TAF9: variants seen among roughly 807,000 people sequenced by gnomAD.
The protein encoded by TAF9 is transcription initiation factor TFIID subunit 9.
Under a neutral mutation model 16.5 loss-of-function variants are expected in TAF9, and 10 were observed. The ratio of observed to expected loss-of-function variants is 0.61; its 90% CI spans 0.37 to 1.03. The LOEUF is 1.03. TAF9 is among the 50% of genes least tolerant of loss of function. TAF9 has a pLI of 0.01. For synonymous variants in TAF9, 105 were observed against 120.5 expected (o/e 0.87, Z 0.84); for missense variants, 288 against 319.1 (o/e 0.90, Z 0.74).
chr5:69,369,357 C>T, intron 1 of TAF9, 106 bp downstream of exon 1: 2 of 1,306,218 alleles, frequency 1.5e-6, no homozygotes, highest in Non-Finnish European at 2.1e-6. Context: ...CCTCGGCCGG[C>T]CTCTGAAGAG....
intron 2 of TAF9, 146 bp downstream of exon 2, chr5:69,366,357 T>G: frequency 3.1e-6 from 2 of 637,476 alleles, no homozygotes; most frequent in Non-Finnish European, 5.4e-6. Flanking sequence ...AGACACTTAA[T>G]ATTTCTGTGG....
chr5:69,365,712 G>A lies in TAF9; in HGVS notation c.26C>T (p.Pro9Leu), dbSNP rs573124907. 2 of 1,565,998 alleles carry A rather than the reference G, an allele frequency of 1.3e-6. No individual in the cohort carries two copies. The highest frequency in any genetic ancestry group is 2.7e-5 in the African/African-American group (2 of 73,428). MESGKTAS[P>L]KSMPKDAQMM... ...CTGTGCATCTTTCGGCATGCTCTTGGGAGAAGCCGTCTTGCCAGACTCCAT... is the reference window on the plus strand; with the variant it reads ...CTGTGCATCTTTCGGCATGCTCTTGAGAGAAGCCGTCTTGCCAGACTCCAT... The change falls in exon 3 of 3, where the codon CCC (proline) becomes CTC (leucine). Residue 9 changes from proline to leucine, a missense_variant. By Grantham distance (98) the Pro-to-Leu change is moderately conservative (BLOSUM62 -3). Coordinates refer to ENST00000217893, the MANE Select transcript of TAF9 (RefSeq NM_003187.5).
At position 69,365,077 on chromosome 5, in the gene TAF9, A is replaced by C; in HGVS notation, c.661T>G (p.Ser221Ala). ...TTAGTGGTAATAAGAATGTTTTTGG[A>C]CCCGATTAATGATGGATTAATCAGA... Reference protein sequence around the residue: ...NVLINPSLIGSKNILITTNMM... With the variant: ...NVLINPSLIGAKNILITTNMM... The change falls in exon 3 of 3, where the codon TCC (serine) becomes GCC (alanine). Residue 221 changes from serine (S) to alanine (A), a missense_variant. Ser to Ala is a moderately conservative substitution (Grantham distance 99). Coordinates refer to ENST00000217893, the MANE Select transcript of TAF9 (RefSeq NM_003187.5). 6.2e-7 allele frequency: 1 copy of C among 1,614,202 alleles called. No homozygotes were observed. The highest frequency in any genetic ancestry group is 8.5e-7 in the Non-Finnish European group (1 of 1,180,030).
chr5:69,366,371 C>T (rs980797712), intron 2 of TAF9, 132 bp downstream of exon 2: 69 of 685,062 alleles, frequency 1.0e-4, no homozygotes, highest in Non-Finnish European at 1.6e-4. Context: ...TCTGTGGATT[C>T]CCTAACAGAG....
chr5:69,369,444 C>G lies in TAF9; in HGVS notation c.-111+19G>C. On this transcript the variant is annotated intron_variant, in intron 1 of 2. Coordinates refer to ENST00000217893, the MANE Select transcript of TAF9 (RefSeq NM_003187.5). ...CCCAGCCTGCCCCAGCCCAGTCCCT[C>G]CCGGCCGCGCGCCCTGACCGGTGAG... is the stretch of plus-strand genomic sequence containing the variant. 1 of 1,609,692 alleles carries G rather than the reference C, an allele frequency of 6.2e-7. No individual in the cohort carries two copies. The highest frequency in any genetic ancestry group is 8.5e-7 in the Non-Finnish European group (1 of 1,178,864).
intron 1 of TAF9, chr5:69,367,966 A>G (rs1401242474): frequency 6.6e-6 from 1 of 152,216 alleles, no homozygotes; most frequent in Non-Finnish European, 1.5e-5. Flanking sequence ...GGAGTTCGAG[A>G]CCAGCCTGGC....
rs763898444 is a variant in TAF9, at chr5:69,364,957, A to AGTC, written c.778_780dup (p.Asp260dup). 5 of 1,611,020 alleles carry AGTC rather than the reference A, an allele frequency of 3.1e-6. No individual in the cohort carries two copies. In the South Asian group the frequency reaches 4.4e-5, roughly 14 times the overall value. On this transcript the variant is annotated inframe_insertion, in exon 3 of 3. Coordinates refer to ENST00000217893, the MANE Select transcript of TAF9 (RefSeq NM_003187.5). Reference sequence around the variant, plus strand: ...GCAAGGCTAGATTACAGATTATCATAGTCATCATCATCATCATCGTCATCA... The same window carrying AGTC: ...GCAAGGCTAGATTACAGATTATCATAGTCGTCATCATCATCATCATCGTCATCA...
chr5:69,365,044 ACAT>A lies in TAF9; in HGVS notation c.691_693del (p.Met231del). 1 of 1,614,068 alleles carries A rather than the reference ACAT, an allele frequency of 6.2e-7. No homozygotes were observed. The highest frequency in any genetic ancestry group is 8.5e-7 in the Non-Finnish European group (1 of 1,179,914). On this transcript the variant is annotated inframe_deletion, in exon 3 of 3. Coordinates refer to ENST00000217893, the MANE Select transcript of TAF9 (RefSeq NM_003187.5). ...GATTCATTGGCAGTATTTTGTGATGACATCATATTAGTGGTAATAAGAATGTTT... is the reference window on the plus strand; with the variant it reads ...GATTCATTGGCAGTATTTTGTGATGACATATTAGTGGTAATAAGAATGTTT...
chr5:69,365,896 A>C (rs1762401690), intron 2 of TAF9, 142 bp from the exon 3 acceptor site: 1 of 520,884 alleles, frequency 1.9e-6, no homozygotes, highest in South Asian at 6.8e-5. Context: ...ATGTTTTCTT[A>C]ATTTTAATGA....
In TAF9 at chr5:69,369,507, G is replaced by A. The variant is rs910167382; in HGVS notation, c.-155C>T. On this transcript the variant is annotated 5_prime_UTR_variant, in exon 1 of 3. Coordinates refer to ENST00000217893, the MANE Select transcript of TAF9 (RefSeq NM_003187.5). ...AAGCAACATGGTCCCCGCCGCGACG[G>A]CTTCGGGCGCCTCGCTCACGTGCCC... 1.9e-6 allele frequency: 3 copies of A among 1,611,190 alleles called. No individual in the cohort carries two copies. The highest frequency in any genetic ancestry group is 1.7e-6 in the Non-Finnish European group (2 of 1,179,194).
intron 1 of TAF9, among the ~76,000 whole-genome samples, chr5:69,367,245 G>A (rs1580323209): frequency 2.0e-5 from 3 of 152,040 alleles, no homozygotes; most frequent in Admixed American, 2.0e-4. Flanking sequence ...GGGCGCAGTG[G>A]CTCATGCCTG....
Position 69,365,212 on chromosome 5 carries a change from C to A in TAF9, c.526G>T (p.Val176Leu), listed in dbSNP as rs747296797. 1.1e-5 allele frequency: 17 copies of A among 1,614,146 alleles called. No homozygotes were observed. The highest frequency in any genetic ancestry group is 1.4e-5 in the Non-Finnish European group (16 of 1,180,038). ...CCTGTGAGGGACATGGGAGTCCCTACTTTAGTTGAAACAGACATGGTCTGT... is the reference window on the plus strand; with the variant it reads ...CCTGTGAGGGACATGGGAGTCCCTAATTTAGTTGAAACAGACATGGTCTGT... ...TPQTMSVSTK[V>L]GTPMSLTGQR... is the part of the protein sequence containing the mutation. The change falls in exon 3 of 3, where the codon GTA becomes TTA. Residue 176 changes from valine (V) to leucine (L), a missense_variant. Transcript: ENST00000217893.
At chr5:69,368,002 CA>C (rs1762555851) in intron 1 of TAF9, 1 of 152,040 alleles carries the variant, frequency 6.6e-6, no homozygotes, top group Non-Finnish European at 1.5e-5. Context: ...CTGTCTCAAA[CA>C]AAAACAAAAA....
intron 1 of TAF9, chr5:69,368,707 TAG>T (rs1210393033): frequency 6.6e-6 from 1 of 152,196 alleles, no homozygotes; most frequent in Non-Finnish European, 1.5e-5. Flanking sequence ...CTACATGCAT[TAG>T]ATTTTTCCAC....
At position 69,364,973 on chromosome 5, in the gene TAF9, ATCG is replaced by A. The variant is rs774927524; in HGVS notation, c.762_764del (p.Asp260del). On this transcript the variant is annotated inframe_deletion, in exon 3 of 3. Coordinates refer to ENST00000217893, the MANE Select transcript of TAF9 (RefSeq NM_003187.5). Reference sequence around the variant, plus strand: ...GATTATCATAGTCATCATCATCATCATCGTCATCATCATCATCTTCACGTTTTC... The same window carrying A: ...GATTATCATAGTCATCATCATCATCATCATCATCATCATCTTCACGTTTTC... The A allele has an allele frequency of 8.7e-6, 14 of 1,612,792 alleles. No individual in the cohort carries two copies. The highest frequency in any genetic ancestry group is 3.3e-5 in the South Asian group (3 of 91,012).
upstream of TAF9, chr5:69,369,659 G>C (rs760306889): frequency 1.3e-6 from 2 of 1,559,088 alleles, no homozygotes; most frequent in South Asian, 2.3e-5. Context: ...CTGGTTACCT[G>C]GCTTTCGATG....
chr5:69,367,782 C>G (rs771066809), intron 1 of TAF9: 6 of 152,140 alleles, frequency 3.9e-5, no homozygotes, highest in Admixed American at 2.6e-4. Flanking sequence ...TGAGCTCAAG[C>G]GATCTCCCCA....
intron 1 of TAF9, among the ~76,000 whole-genome samples, chr5:69,368,348 A>G (rs907677533): frequency 2.6e-5 from 4 of 152,208 alleles, no homozygotes; most frequent in Non-Finnish European, 5.9e-5. Flanking sequence ...AAGCATAAAG[A>G]TAACAGGGAT....
At position 69,369,428 on chromosome 5, in the gene TAF9, C is replaced by A. The variant is rs776580412; in HGVS notation, c.-111+35G>T. Reference sequence around the variant, plus strand: ...CAGAGCACTCTGCGCCCCCAGCCTGCCCCAGCCCAGTCCCTCCCGGCCGCG... The same window carrying A: ...CAGAGCACTCTGCGCCCCCAGCCTGACCCAGCCCAGTCCCTCCCGGCCGCG... On this transcript the variant is annotated intron_variant, in intron 1 of 2. Coordinates refer to ENST00000217893, the MANE Select transcript of TAF9 (RefSeq NM_003187.5). 1.2e-5 allele frequency: 20 copies of A among 1,606,896 alleles called. No individual in the cohort carries two copies. In the South Asian group the frequency reaches 1.9e-4, roughly 15 times the overall value.
Sources: allele counts gnomAD v4.1 joint callset (sites outside exome capture counted in the v4.1 genomes callset), GRCh38; gene constraint gnomAD v4.1.1; transcripts MANE v1.5; gene names NCBI Gene and HGNC (gene_info 2026-07-23, HGNC 2026-07-21).